COPG2: variants seen among roughly 807,000 people sequenced by gnomAD.
COPG2 encodes coatomer subunit gamma-2.
In COPG2, 37 loss-of-function variants were observed where a neutral mutation model predicts 46.3. The ratio of observed to expected loss-of-function variants is 0.80; its 90% CI spans 0.61 to 1.05. The LOEUF (loss-of-function observed/expected upper bound fraction) is 1.05, where lower values mean the gene tolerates loss of function less well. Ranked by LOEUF, COPG2 falls within the 50% of genes least tolerant of loss-of-function variation. COPG2 has a pLI of 0.00. For missense variants in COPG2, 427 were observed against 387.8 expected, an observed-to-expected ratio of 1.10 and a Z score of -0.85; for synonymous variants, 159 against 129.7, an observed-to-expected ratio of 1.23 and a Z score of -1.53.
intron 20 of COPG2, among the ~76,000 whole-genome samples, chr7:130,532,278 G>A (rs972553392): frequency 5.3e-5 from 8 of 152,320 alleles, no homozygotes; most frequent in Admixed American, 1.3e-4. Context: ...TCCCAGACTG[G>A]AGGACTCAGG....
chr7:130,653,087 T>C, intron 4 of COPG2, 139 bp from the exon 5 acceptor site: 1 of 593,554 alleles, frequency 1.7e-6, no homozygotes, highest in Non-Finnish European at 2.9e-6. Context: ...AAAAAAAAAT[T>C]AATATCTGGG....
At chr7:130,560,600 C>G (rs987143469) in intron 12 of COPG2, among the ~76,000 whole-genome samples, 5 of 152,300 alleles carry the variant, frequency 3.3e-5, no homozygotes, top group African/African-American at 1.2e-4. Context: ...TAGTGTGGTA[C>G]TGGTACTGGA....
At chr7:130,638,424 C>T (rs1795389057) in intron 5 of COPG2, among the ~76,000 whole-genome samples, 3 of 152,198 alleles carry the variant, frequency 2.0e-5, no homozygotes, top group African/African-American at 7.2e-5. Context: ...ATGCCCTGCC[C>T]AGAGAGGAGG....
chr7:130,632,867 T>C (rs1795257270), intron 5 of COPG2, among the ~76,000 whole-genome samples: 1 of 152,078 alleles, frequency 6.6e-6, no homozygotes, highest in Non-Finnish European at 1.5e-5. Context: ...CTACATTAGG[T>C]ACTTCTCCTA....
chr7:130,603,885 CCTA>C (rs782820900), intron 9 of COPG2: 7 of 518,074 alleles, frequency 1.4e-5, no homozygotes, highest in Non-Finnish European at 1.9e-5. Context: ...TCACTAATAA[CCTA>C]CTATTAATCA....
At chr7:130,636,490 T>A (rs574713817) in intron 5 of COPG2, among the ~76,000 whole-genome samples, 1 of 152,210 alleles carries the variant, frequency 6.6e-6, no homozygotes, top group South Asian at 2.1e-4. Context: ...TCTCTTTTGA[T>A]CTTTGTTGGT....
At chr7:130,605,184 C>T (rs1584571776) in intron 9 of COPG2, 1 of 519,976 alleles carries the variant, frequency 1.9e-6, no homozygotes, top group Non-Finnish European at 3.8e-6. Flanking sequence ...GCTACTTTCT[C>T]CTGCTCTATC....
intron 9 of COPG2, among the ~76,000 whole-genome samples, chr7:130,568,342 A>G (rs1793839138): frequency 6.6e-6 from 1 of 152,234 alleles, no homozygotes; most frequent in Admixed American, 6.5e-5. Flanking sequence ...AAGGACTCAC[A>G]TAAACTTAAG....
At chr7:130,535,621 C>T (rs907808875) in intron 20 of COPG2, among the ~76,000 whole-genome samples, 1 of 113,390 alleles carries the variant, frequency 8.8e-6, no homozygotes, top group African/African-American at 3.3e-5. Flanking sequence ...ACTACGGATC[C>T]GGCAGGGAAG....
chr7:130,611,426 G>A (rs1554452080), intron 8 of COPG2, among the ~76,000 whole-genome samples: 2 of 152,112 alleles, frequency 1.3e-5, no homozygotes, highest in Non-Finnish European at 2.9e-5. Flanking sequence ...GGGCTTTACT[G>A]GTGCTATCTG....
chr7:130,534,844 T>C (rs1298000168), intron 20 of COPG2, among the ~76,000 whole-genome samples: 10 of 151,624 alleles, frequency 6.6e-5, no homozygotes, highest in Middle Eastern at 3.4e-3. Context: ...CTATCCAAGG[T>C]AAATGGAAAT....
At chr7:130,521,242 A>C (rs1048251489) in intron 20 of COPG2, among the ~76,000 whole-genome samples, 1 of 152,242 alleles carries the variant, frequency 6.6e-6, no homozygotes, top group Non-Finnish European at 1.5e-5. Flanking sequence ...AAAATTGGAC[A>C]TAAGAGAGAC....
At chr7:130,642,957 G>C (rs1795521102) in intron 5 of COPG2, among the ~76,000 whole-genome samples, 1 of 151,950 alleles carries the variant, frequency 6.6e-6, no homozygotes, top group African/African-American at 2.4e-5. Context: ...AGTGAGCCAA[G>C]GGCACACCAT....
At chr7:130,596,822 A>C (rs1471624986) in intron 9 of COPG2, among the ~76,000 whole-genome samples, 6 of 152,234 alleles carry the variant, frequency 3.9e-5, no homozygotes, top group Admixed American at 3.9e-4. Context: ...GTCCCTCCGA[A>C]GAGGAAACTA....
chr7:130,582,545 T>C (rs1282741648), intron 9 of COPG2, among the ~76,000 whole-genome samples: 59 of 151,656 alleles, frequency 3.9e-4, no homozygotes, highest in African/African-American at 1.4e-3. Flanking sequence ...GAAACTACCA[T>C]CAGAGTGAAC....
At chr7:130,586,870 CAACA>C in intron 9 of COPG2, among the ~76,000 whole-genome samples, 1 of 152,120 alleles carries the variant, frequency 6.6e-6, no homozygotes, top group South Asian at 2.1e-4. Context: ...CAATTCCAAT[CAACA>C]AACTATGATT....
intron 5 of COPG2, among the ~76,000 whole-genome samples, chr7:130,647,720 C>T (rs1795643888): frequency 6.7e-6 from 1 of 149,932 alleles, no homozygotes; most frequent in Non-Finnish European, 1.5e-5. Flanking sequence ...GTATGCTGTA[C>T]CTCATTAAGA....
At chr7:130,530,088 A>C (rs959796851) in intron 20 of COPG2, among the ~76,000 whole-genome samples, 8 of 152,072 alleles carry the variant, frequency 5.3e-5, no homozygotes, top group Non-Finnish European at 1.2e-4. Context: ...TGGAAGACGC[A>C]AGGTAGAGAG....
chr7:130,573,584 C>T (rs1027596736), intron 9 of COPG2, among the ~76,000 whole-genome samples: 16 of 151,836 alleles, frequency 1.1e-4, no homozygotes, highest in Non-Finnish European at 1.6e-4. Context: ...AGGACAAAAA[C>T]CACATAATCA....
Sources: gnomAD v4.1 joint callset for allele counts (sites outside exome capture counted in the v4.1 genomes callset) on GRCh38, gnomAD v4.1.1 for gene constraint, MANE v1.5 for transcripts, NCBI Gene and HGNC (gene_info 2026-07-23, HGNC 2026-07-21) for gene names.